The following PKHD1 variants were observed in gnomAD, a reference collection of about 807,000 sequenced individuals.
PKHD1 encodes fibrocystin.
In PKHD1, 291 loss-of-function variants were observed where a neutral mutation model predicts 412.0. The observed-to-expected ratio is 0.71, with a 90% CI of 0.64 to 0.78. The LOEUF (loss-of-function observed/expected upper bound fraction) is 0.78, where lower values mean the gene tolerates loss of function less well. PKHD1 is among the 30% of genes least tolerant of loss of function. PKHD1 has a pLI of 0.00. For missense variants in PKHD1, 4,825 were observed against 4,950.7 expected (o/e 0.97, Z 0.76); for synonymous variants, 1,777 against 1,821.5 (o/e 0.98, Z 0.62).
rs1460913655 is a variant in PKHD1 at position 52,025,841 on chromosome 6, G to T, written c.3969C>A (p.Asn1323Lys). 1.2e-6 allele frequency: 2 copies of T among 1,614,160 alleles called. No individual in the cohort carries two copies. Among genetic ancestry groups the T allele is most frequent in the Admixed American group, 1.7e-5 (1 of 60,024 alleles). The change falls in exon 32 of 67, where the codon AAC (asparagine) becomes AAA (lysine). Residue 1323 changes from asparagine (N) to lysine (K), a missense_variant. By Grantham distance (94) the Asn-to-Lys change is moderately conservative. Coordinates refer to ENST00000371117, the MANE Select transcript of PKHD1 (RefSeq NM_138694.4). ...CCAGAAGGATGACTGAGTTGGAGAGGTTACTTCCTCCCACATGCAGGCTCA... is the reference window on the plus strand; with the variant it reads ...CCAGAAGGATGACTGAGTTGGAGAGTTTACTTCCTCCCACATGCAGGCTCA... The part of the protein sequence containing the change: ...SSLSLHVGGS[N>K]LSNSVILLGN...
intron 21 of PKHD1, among the ~76,000 whole-genome samples, 155 bp downstream of exon 21, chr6:52,052,921 C>G (rs1807094431): frequency 6.6e-6 from 1 of 152,078 alleles, no homozygotes; most frequent in African/African-American, 2.4e-5. Context: ...GTACCAAAGA[C>G]ACATAATCCC....
Position 51,867,876 on chromosome 6 carries a change from T to C in PKHD1, c.7720A>G (p.Met2574Val), listed in dbSNP as rs1775334348. The change falls in exon 48 of 67, where the codon ATG becomes GTG. Residue 2574 changes from methionine to valine, a missense_variant. Met to Val is a conservative substitution (Grantham distance 21). Transcript: ENST00000371117. ...AATTCCACTTACAAACCAATAGACA[T>C]ACGATGAAAAAGAACACCTCCTCCA... ...ACGGGVLFHR[M>V]SIGLANTPEV... 6.2e-7 allele frequency: 1 copy of C among 1,613,170 alleles called. No individual in the cohort carries two copies. Among genetic ancestry groups the C allele is most frequent in the Non-Finnish European group, 8.5e-7 (1 of 1,179,356 alleles).
At chr6:52,073,591 T>A (rs187879021) in intron 6 of PKHD1, 50 bp from the exon 7 acceptor site, 1 of 1,057,028 alleles carries the variant, frequency 9.5e-7, no homozygotes, top group South Asian at 1.3e-5. Flanking sequence ...TCAAACTCAA[T>A]GTATAATAAA....
intron 11 of PKHD1, among the ~76,000 whole-genome samples, chr6:52,067,591 T>C: frequency 6.6e-6 from 1 of 152,014 alleles, no homozygotes; most frequent in Admixed American, 6.6e-5. Flanking sequence ...GGGAGTAGGA[T>C]GGGAGTATTG....
At chr6:51,801,063 TG>T (rs1461022337) in intron 52 of PKHD1, among the ~76,000 whole-genome samples, 1 of 152,222 alleles carries the variant, frequency 6.6e-6, no homozygotes, top group East Asian at 1.9e-4. Flanking sequence ...AATCTTCCTT[TG>T]TAGAAAGAAA....
intron 57 of PKHD1, among the ~76,000 whole-genome samples, chr6:51,749,693 G>C (rs370961175): frequency 6.6e-6 from 1 of 152,154 alleles, no homozygotes; most frequent in African/African-American, 2.4e-5. Flanking sequence ...AGGCAGAGAA[G>C]AGTGAACTAA....
intron 60 of PKHD1, chr6:51,739,952 A>G (rs376823997): frequency 1.4e-5 from 7 of 518,464 alleles, no homozygotes; most frequent in African/African-American, 1.3e-4. Flanking sequence ...GTTTGGAGCC[A>G]GAATGGAAAG....
Position 51,848,918 on chromosome 6 carries a change from GTTTTT to G in PKHD1, c.7912-953_7912-949del, listed in dbSNP as rs11356592. ...CCTCATGGCCATTTTTTTTTTTTTA[GTTTTT>G]TTTTTTATTTCTTCTGAAAAAAAAA... is the stretch of plus-strand genomic sequence containing the variant. On this transcript the variant is annotated intron_variant, in intron 49 of 66. Transcript: ENST00000371117. Among the ~76,000 whole-genome samples, 38 of 125,506 alleles carry G rather than the reference GTTTTT, an allele frequency of 3.0e-4. No homozygotes were observed. In the Middle Eastern group the frequency reaches 0.025, roughly 81 times the overall value. The allele number at this position is 125,506 out of a possible 152,430, so 82.3% of individuals were successfully genotyped here. A position where few individuals can be genotyped will look rare whatever the true frequency, so the allele number is the denominator to read the frequency against.
intron 60 of PKHD1, among the ~76,000 whole-genome samples, chr6:51,660,791 T>C (rs1165525033): frequency 6.6e-6 from 1 of 152,150 alleles, no homozygotes; most frequent in African/African-American, 2.4e-5. Flanking sequence ...TTCCATGCGT[T>C]CAGCCACCTG....
At chr6:51,693,561 A>C (rs1778426871) in intron 60 of PKHD1, among the ~76,000 whole-genome samples, 2 of 152,222 alleles carry the variant, frequency 1.3e-5, no homozygotes. Flanking sequence ...GTAGAGATAG[A>C]CTAAAGAGAA....
At chr6:51,740,440 A>T (rs2150942757) in intron 60 of PKHD1, among the ~76,000 whole-genome samples, 1 of 152,290 alleles carries the variant, frequency 6.6e-6, no homozygotes. Flanking sequence ...ATTCCAAATG[A>T]CTTGGAGAGA....
At chr6:51,943,773 A>G (rs1488826192) in intron 36 of PKHD1, among the ~76,000 whole-genome samples, 1 of 151,294 alleles carries the variant, frequency 6.6e-6, no homozygotes, top group African/African-American at 2.4e-5. Context: ...TATTTCTTCT[A>G]ACAACCCCAC....
At position 51,788,851 on chromosome 6, in the gene PKHD1, C is replaced by T. The variant is rs1325335858; in HGVS notation, c.8440+2385G>A. On this transcript the variant is annotated intron_variant, in intron 53 of 66. Coordinates refer to ENST00000371117, the MANE Select transcript of PKHD1 (RefSeq NM_138694.4). ...ACACCTACTACATACCAAGCACTTC[C>T]TATGAGTTATGTTTAATATCCCTCT... is the stretch of plus-strand genomic sequence containing the variant. Among the ~76,000 whole-genome samples, 6 of 152,302 alleles carry T rather than the reference C, an allele frequency of 3.9e-5. No homozygotes were observed. The East Asian group carries it at 7.7e-4, about 20-fold the overall frequency.
intron 52 of PKHD1, among the ~76,000 whole-genome samples, chr6:51,802,618 T>C (rs1024503279): frequency 6.6e-6 from 1 of 151,622 alleles, no homozygotes; most frequent in African/African-American, 2.4e-5. Context: ...CATGATCAAC[T>C]TTTAGTAAAT....
chr6:51,774,706 A>G (rs929761683), intron 54 of PKHD1, among the ~76,000 whole-genome samples: 1 of 151,904 alleles, frequency 6.6e-6, no homozygotes, highest in African/African-American at 2.4e-5. Context: ...GAGTACTGAG[A>G]TCCAGAGAGG....
intron 52 of PKHD1, among the ~76,000 whole-genome samples, chr6:51,792,500 C>G (rs139693030): frequency 1.5e-3 from 233 of 152,330 alleles, no homozygotes; most frequent in African/African-American, 5.4e-3. Context: ...TGGCCATGCC[C>G]TCCTGTGGCA....
chr6:52,051,118 T>C (rs1358107021), intron 21 of PKHD1, among the ~76,000 whole-genome samples: 1 of 152,194 alleles, frequency 6.6e-6, no homozygotes, highest in Non-Finnish European at 1.5e-5. Context: ...GATTACTTGC[T>C]CAGCTGGGTA....
At chr6:51,775,147 T>C (rs1406952204) in intron 54 of PKHD1, among the ~76,000 whole-genome samples, 1 of 151,764 alleles carries the variant, frequency 6.6e-6, no homozygotes, top group Non-Finnish European at 1.5e-5. Context: ...ATTTCAACTA[T>C]TATATAAGTA....
intron 60 of PKHD1, among the ~76,000 whole-genome samples, chr6:51,670,470 C>T (rs1196388952): frequency 1.3e-5 from 2 of 151,620 alleles, no homozygotes; most frequent in Non-Finnish European, 2.9e-5. Context: ...TTCCTGAATA[C>T]AGCACACTGA....
Sources: gnomAD v4.1 joint callset for allele counts (sites outside exome capture counted in the v4.1 genomes callset) on GRCh38, gnomAD v4.1.1 for gene constraint, MANE v1.5 for transcripts, NCBI Gene and HGNC (gene_info 2026-07-23, HGNC 2026-07-21) for gene names.